The following SARM1 variants were observed in gnomAD, a reference collection of about 807,000 sequenced individuals.
SARM1 encodes NAD(+) hydrolase SARM1.
A neutral mutation model predicts 65.1 loss-of-function variants in SARM1; 60 were observed. The observed-to-expected ratio is 0.92, with a 90% CI of 0.75 to 1.14. SARM1 has a LOEUF of 1.14. SARM1 is among the 50% of genes most tolerant of loss of function. SARM1 has a pLI of 0.00. For missense variants in SARM1, 913 were observed against 1,015.7 expected (o/e 0.90, Z 1.37); for synonymous variants, 417 against 465.4 (o/e 0.90, Z 1.34).
intron 1 of SARM1, among the ~76,000 whole-genome samples, chr17:28,376,663 T>A (rs7212510): frequency 0.56 from 85,285 of 151,986 alleles, 24,328 homozygotes; most frequent in East Asian, 0.72. Flanking sequence ...AGAGACAGGG[T>A]CTTTCTATGT....
intron 5 of SARM1, among the ~76,000 whole-genome samples, chr17:28,386,030 A>G (rs984149173): frequency 6.6e-6 from 1 of 152,220 alleles, no homozygotes; most frequent in Non-Finnish European, 1.5e-5. Context: ...ACCGTGGCTC[A>G]TGCCTGTAAT....
intron 1 of SARM1, among the ~76,000 whole-genome samples, chr17:28,374,846 A>G (rs559285349): frequency 6.6e-6 from 1 of 151,376 alleles, no homozygotes; most frequent in African/African-American, 2.4e-5. Context: ...GCGTGATGGC[A>G]TGCACAGTCC....
Position 28,402,214 on chromosome 17 carries a change from A to G in SARM1, c.*5928A>G. 1.2e-6 allele frequency: 2 copies of G among 1,603,834 alleles called. No homozygotes were observed. The highest frequency in any genetic ancestry group is 1.1e-5 in the South Asian group (1 of 89,378). On this transcript the variant is annotated 3_prime_UTR_variant, in exon 9 of 9. Transcript: ENST00000585482. ...GGCAGCACTGGACATGAGGAACCAG[A>G]CACAGGTGGGTTCTGACACTCACCC...
intron 7 of SARM1, among the ~76,000 whole-genome samples, chr17:28,390,425 G>A (rs1028965458): frequency 2.6e-5 from 4 of 152,122 alleles, no homozygotes; most frequent in African/African-American, 7.2e-5. Context: ...AAAATGGGGG[G>A]AAGGGGATTC....
chr17:28,384,343 C>G lies in SARM1; in HGVS notation c.1090-14C>G, dbSNP rs782303277. 2.1e-5 allele frequency: 32 copies of G among 1,558,610 alleles called. No homozygotes were observed. The Admixed American group carries it at 5.6e-4, about 27-fold the overall frequency. ...CTGGTGGGACCTACAGCCCTCTCCCCACTCCCTCCCTAGGTGTTCAGCGAC... is the reference window on the plus strand; with the variant it reads ...CTGGTGGGACCTACAGCCCTCTCCCGACTCCCTCCCTAGGTGTTCAGCGAC... On this transcript the variant is annotated splice_polypyrimidine_tract_variant and intron_variant, in intron 2 of 8. Coordinates refer to ENST00000585482, the MANE Select transcript of SARM1 (RefSeq NM_015077.4). This position sits in a 1 kb window ranked among gnomAD's most constrained non-coding sequence, Gnocchi z 4.4.
Position 28,400,066 on chromosome 17 carries a change from T to C in SARM1, c.*3780T>C. The C allele has an allele frequency of 3.6e-6, 1 of 280,996 alleles. No individual in the cohort carries two copies. Among genetic ancestry groups the C allele is most frequent in the South Asian group, 4.4e-5 (1 of 22,542 alleles). The allele number at this position is 280,996 out of a possible 1,614,324, so 17.4% of individuals were successfully genotyped here. A position where few individuals can be genotyped will look rare whatever the true frequency, so the allele number is the denominator to read the frequency against. On this transcript the variant is annotated 3_prime_UTR_variant, in exon 9 of 9. Transcript: ENST00000585482. ...ATACCACCATGCCTGGGTGATTTTTTAAATTTTTTATACAGACAAGGTCTT... is the reference window on the plus strand; with the variant it reads ...ATACCACCATGCCTGGGTGATTTTTCAAATTTTTTATACAGACAAGGTCTT...
Position 28,400,952 on chromosome 17 carries a change from G to A in SARM1, c.*4666G>A. 2.9e-5 allele frequency: 18 copies of A among 622,498 alleles called. No individual in the cohort carries two copies. In the South Asian group the frequency reaches 3.3e-4, roughly 11 times the overall value. 38.6% of individuals were successfully genotyped at this position (622,498 alleles called of 1,614,324 possible). A position where few individuals can be genotyped will look rare whatever the true frequency, so the allele number is the denominator to read the frequency against. Reference sequence around the variant, plus strand: ...GTAAGGTCATATGTGGACAGTAGCTGGCACAGAGGGGCTACTAAACAAATG... The same window carrying A: ...GTAAGGTCATATGTGGACAGTAGCTAGCACAGAGGGGCTACTAAACAAATG... On this transcript the variant is annotated 3_prime_UTR_variant, in exon 9 of 9. Coordinates refer to ENST00000585482, the MANE Select transcript of SARM1 (RefSeq NM_015077.4).
Position 28,385,069 on chromosome 17 carries a change from C to T in SARM1, c.1424C>T (p.Thr475Ile), listed in dbSNP as rs782150304. ...RFFRELTELK[T>I]FANYSTCDRS... ...TTTAGGGAGCTCACGGAGCTCAAGA[C>T]CTTCGCCAACTATTCTACGTGCGAC... Residue 475 changes from threonine (T) to isoleucine (I), a missense_variant, in exon 5 of 9, where the codon ACC becomes ATC. Thr to Ile is a moderately conservative substitution (Grantham distance 89). This residue lies in a region of SARM1 where 862 missense variants were observed against 952.1 expected (regional missense o/e 0.91). Coordinates refer to ENST00000585482, the MANE Select transcript of SARM1 (RefSeq NM_015077.4). The surrounding 1 kb of genome is among the most constrained non-coding windows in gnomAD (Gnocchi z 4.5). 6.2e-7 allele frequency: 1 copy of T among 1,613,882 alleles called. No individual in the cohort carries two copies. The highest frequency in any genetic ancestry group is 8.5e-7 in the Non-Finnish European group (1 of 1,179,828).
chr17:28,391,607 T>A (rs1555586873), intron 7 of SARM1, among the ~76,000 whole-genome samples: 1 of 150,324 alleles, frequency 6.7e-6, no homozygotes, highest in African/African-American at 2.5e-5. Flanking sequence ...AAGAAAAGAG[T>A]GTCTGTGAGC....
rs2239911 is a variant in SARM1, at chr17:28,396,594, G to T, written c.*308G>T. On this transcript the variant is annotated 3_prime_UTR_variant, in exon 9 of 9. Transcript: ENST00000585482. ...CTGGAGACACTGGAGTTGGGGTGGG[G>T]GTGGTTCTGCATTCCCTTCTCCTGC... The T allele has an allele frequency of 0.55, 201,661 of 369,682 alleles. 56,014 individuals carry two copies. The highest frequency in any genetic ancestry group is 0.74 in the East Asian group (14,726 of 19,794). 22.9% of individuals were successfully genotyped at this position (369,682 alleles called of 1,614,324 possible). A position where few individuals can be genotyped will look rare whatever the true frequency, so the allele number is the denominator to read the frequency against.
chr17:28,388,419 C>G lies in SARM1; in HGVS notation c.1803C>G (p.Gly601=). ...TTGATGTGGAGAAGCTGGAAGCAGG[C>G]AAGTTCGAGGACAAACTCATCCAGA... ...VFIDVEKLEA[G]KFEDKLIQSV... The change falls in exon 7 of 9, where the codon GGC becomes GGG. Residue 601 remains glycine, a synonymous_variant. Transcript: ENST00000585482. 1.9e-6 allele frequency: 3 copies of G among 1,613,998 alleles called. No individual in the cohort carries two copies. Among genetic ancestry groups the G allele is most frequent in the African/African-American group, 1.3e-5 (1 of 75,048 alleles).
At position 28,400,418 on chromosome 17, in the gene SARM1, C is replaced by T. The variant is rs1421837517; in HGVS notation, c.*4132C>T. The T allele has an allele frequency of 1.7e-5, 11 of 641,422 alleles. No homozygotes were observed. Among genetic ancestry groups the T allele is most frequent in the South Asian group, 4.0e-5 (2 of 50,438 alleles). 39.7% of individuals were successfully genotyped at this position (641,422 alleles called of 1,614,324 possible). ...AGCCTGATCCTTCCTCCACCTAGCT[C>T]GCCATCTCGCCCTTGGAAAATGGCT... On this transcript the variant is annotated 3_prime_UTR_variant, in exon 9 of 9. Transcript: ENST00000585482.
At chr17:28,376,619 C>T (rs1439092995) in intron 1 of SARM1, among the ~76,000 whole-genome samples, 1 of 151,764 alleles carries the variant, frequency 6.6e-6, no homozygotes, top group African/African-American at 2.4e-5. Flanking sequence ...AGATAATTTC[C>T]TTCTTATCTT....
Position 28,399,285 on chromosome 17 carries a change from AAGG to A in SARM1, c.*3002_*3004del, listed in dbSNP as rs2068166531. The A allele has an allele frequency of 4.2e-6, 1 of 236,996 alleles. No individual in the cohort carries two copies. The highest frequency in any genetic ancestry group is 2.2e-5 in the African/African-American group (1 of 45,092). The allele number at this position is 236,996 out of a possible 1,614,324, so 14.7% of individuals were successfully genotyped here. ...GTTGGGGCTGTGCAGTTTGGGCTGGAAGGAGAGATGCCAGCCCTCGTGCTGCCT... is the reference window on the plus strand; with the variant it reads ...GTTGGGGCTGTGCAGTTTGGGCTGGAAGAGATGCCAGCCCTCGTGCTGCCT... On this transcript the variant is annotated 3_prime_UTR_variant, in exon 9 of 9. Coordinates refer to ENST00000585482, the MANE Select transcript of SARM1 (RefSeq NM_015077.4).
At position 28,400,172 on chromosome 17, in the gene SARM1, G is replaced by A. The variant is rs2068178510; in HGVS notation, c.*3886G>A. On this transcript the variant is annotated 3_prime_UTR_variant, in exon 9 of 9. Coordinates refer to ENST00000585482, the MANE Select transcript of SARM1 (RefSeq NM_015077.4). ...AGCCTCCCACAGGATCGGGATTACAGGCAAGAGCCTCCACGCCCGGCCATG... is the reference window on the plus strand; with the variant it reads ...AGCCTCCCACAGGATCGGGATTACAAGCAAGAGCCTCCACGCCCGGCCATG... 4.1e-6 allele frequency: 1 copy of A among 245,752 alleles called. No individual in the cohort carries two copies. The highest frequency in any genetic ancestry group is 2.3e-5 in the African/African-American group (1 of 44,340). The allele number at this position is 245,752 out of a possible 1,614,324, so 15.2% of individuals were successfully genotyped here. A position where few individuals can be genotyped will look rare whatever the true frequency, so the allele number is the denominator to read the frequency against.
rs2068040530 is a variant in SARM1, at chr17:28,384,597, CG to C, written c.1302+29del. ...AGAGTCGCGTGGGATACGCCTCCCC[CG>C]AGTCAGAGCGGGCGCCCTGTGCACA... On this transcript the variant is annotated intron_variant, in intron 3 of 8. Coordinates refer to ENST00000585482, the MANE Select transcript of SARM1 (RefSeq NM_015077.4). The surrounding 1 kb of genome is among the most constrained non-coding windows in gnomAD (Gnocchi z 4.4). 1.3e-6 allele frequency: 2 copies of C among 1,545,540 alleles called. No individual in the cohort carries two copies. The highest frequency in any genetic ancestry group is 1.4e-5 in the African/African-American group (1 of 73,272).
At chr17:28,386,989 T>C (rs2068053140) in intron 5 of SARM1, among the ~76,000 whole-genome samples, 1 of 152,116 alleles carries the variant, frequency 6.6e-6, no homozygotes, top group Non-Finnish European at 1.5e-5. Context: ...TCTTCCCAAC[T>C]TAGCCTCCCA....
intron 1 of SARM1, among the ~76,000 whole-genome samples, chr17:28,380,442 A>T (rs1292392738): frequency 6.6e-6 from 1 of 152,062 alleles, no homozygotes; most frequent in Non-Finnish European, 1.5e-5. Flanking sequence ...CCATTACATC[A>T]TCCTGTTTTG....
intron 7 of SARM1, among the ~76,000 whole-genome samples, chr17:28,394,568 T>G (rs995573049): frequency 6.6e-6 from 1 of 152,204 alleles, no homozygotes; most frequent in Non-Finnish European, 1.5e-5. Flanking sequence ...CTGTTTGATT[T>G]GGCTACAAAT....
Sources: allele counts gnomAD v4.1 joint callset (sites outside exome capture counted in the v4.1 genomes callset), GRCh38; gene constraint gnomAD v4.1.1; regional missense constraint gnomAD v4.1.1; non-coding constraint Gnocchi (gnomAD v3.1); transcripts MANE v1.5; gene names NCBI Gene and HGNC (gene_info 2026-07-23, HGNC 2026-07-21).